Variants in TMEM117 observed in about 807,000 individuals in gnomAD.
TMEM117 encodes the protein transmembrane protein 117.
In TMEM117, 27 loss-of-function variants were observed where a neutral mutation model predicts 52.4. The observed-to-expected ratio is 0.51, with a 90% confidence interval of 0.38 to 0.71. TMEM117 has a LOEUF of 0.71. TMEM117 is among the 30% of genes least tolerant of loss of function. The probability of loss-of-function intolerance (pLI) is 0.00; values close to 1 mark genes in which losing one functional copy is unlikely to be tolerated. For missense variants in TMEM117, 556 were observed against 630.5 expected (o/e 0.88, Z 1.26); for synonymous variants, 215 against 206.3 (o/e 1.04, Z -0.36).
chr12:44,190,917 A>G (rs1202020379), intron 4 of TMEM117, among the ~76,000 whole-genome samples: 2 of 148,028 alleles, frequency 1.4e-5, no homozygotes, highest in East Asian at 1.9e-4. Context: ...TAATATATAT[A>G]CTAGTAATAT....
intron 7 of TMEM117, among the ~76,000 whole-genome samples, chr12:44,386,485 G>A (rs1479432837): frequency 6.6e-6 from 1 of 152,030 alleles, no homozygotes; most frequent in Non-Finnish European, 1.5e-5. Context: ...ACAATGTCAG[G>A]ACAAGCAGTT....
chr12:44,383,439 T>G (rs1952047478), intron 7 of TMEM117, among the ~76,000 whole-genome samples: 1 of 152,194 alleles, frequency 6.6e-6, no homozygotes, highest in Non-Finnish European at 1.5e-5. Flanking sequence ...AAAATTTTCA[T>G]TATAATATCA....
At chr12:43,879,112 A>G (rs1731434) in intron 2 of TMEM117, among the ~76,000 whole-genome samples, 103,370 of 152,128 alleles carry the variant, frequency 0.68, 40,288 homozygotes, top group East Asian at 0.87. Flanking sequence ...ATGGATACAC[A>G]TATGAACAGT....
chr12:44,373,489 C>G (rs1951893647), intron 6 of TMEM117, among the ~76,000 whole-genome samples: 4 of 152,224 alleles, frequency 2.6e-5, no homozygotes, highest in Admixed American at 2.6e-4. Flanking sequence ...GGAAACATAC[C>G]TATCCACTTC....
intron 3 of TMEM117, among the ~76,000 whole-genome samples, chr12:43,954,975 T>C (rs1237167271): frequency 6.6e-6 from 1 of 152,170 alleles, no homozygotes; most frequent in Non-Finnish European, 1.5e-5. Flanking sequence ...GCAAGGCTGG[T>C]TCAACATACG....
chr12:43,928,929 A>C (rs981456272), intron 2 of TMEM117, among the ~76,000 whole-genome samples: 40 of 151,686 alleles, frequency 2.6e-4, no homozygotes, highest in East Asian at 1.7e-3. Flanking sequence ...TGAACTCATC[A>C]TTTTTTATGG....
intron 5 of TMEM117, among the ~76,000 whole-genome samples, chr12:44,262,723 A>G (rs974870110): frequency 3.3e-5 from 5 of 152,134 alleles, no homozygotes; most frequent in African/African-American, 1.2e-4. Context: ...AGTAGCTGGG[A>G]TTACAGGTGC....
rs1949899712 is a variant in TMEM117 at position 44,228,975 on chromosome 12, T to G, written c.608+17588T>G. ...AGGAAGGCAGTACAATAAACAGGGA[T>G]CTGGGCAAGACAGGGATGTTGGCTT... is the stretch of plus-strand genomic sequence containing the variant. On this transcript the variant is annotated intron_variant, in intron 5 of 7. Transcript: ENST00000266534. Among the ~76,000 whole-genome samples, 3 of 152,068 alleles carry G rather than the reference T, an allele frequency of 2.0e-5. No homozygotes were observed. In the South Asian group the frequency reaches 6.2e-4, roughly 31 times the overall value.
At chr12:43,838,760 G>A (rs1565713043) in intron 1 of TMEM117, among the ~76,000 whole-genome samples, 1 of 151,468 alleles carries the variant, frequency 6.6e-6, no homozygotes, top group Non-Finnish European at 1.5e-5. Flanking sequence ...TTATATAGAG[G>A]TAGTCGTGCC....
intron 4 of TMEM117, among the ~76,000 whole-genome samples, chr12:44,208,584 G>A (rs1249279590): frequency 6.6e-6 from 1 of 151,984 alleles, no homozygotes; most frequent in African/African-American, 2.4e-5. Flanking sequence ...TTTTCTTTAT[G>A]GAATGCATAC....
At chr12:44,198,236 G>C (rs1417955059) in intron 4 of TMEM117, among the ~76,000 whole-genome samples, 1 of 152,146 alleles carries the variant, frequency 6.6e-6, no homozygotes, top group African/African-American at 2.4e-5. Context: ...AGGAAGGGCA[G>C]CAGAAGGGTG....
At chr12:44,248,121 G>C (rs1028989867) in intron 5 of TMEM117, among the ~76,000 whole-genome samples, 24 of 152,110 alleles carry the variant, frequency 1.6e-4, no homozygotes, top group African/African-American at 5.6e-4. Context: ...GTTTGGGATG[G>C]GTGGACTCCT....
At chr12:43,865,566 G>A (rs1046924713) in intron 2 of TMEM117, among the ~76,000 whole-genome samples, 1 of 151,978 alleles carries the variant, frequency 6.6e-6, no homozygotes, top group Non-Finnish European at 1.5e-5. Context: ...GCGTGGTGGT[G>A]CATGTCTGTA....
At chr12:44,108,174 C>G (rs1016376414) in intron 3 of TMEM117, among the ~76,000 whole-genome samples, 3 of 152,058 alleles carry the variant, frequency 2.0e-5, no homozygotes, top group Non-Finnish European at 4.4e-5. Flanking sequence ...ACCTGTTCCA[C>G]TAATCACTTG....
intron 4 of TMEM117, 30 bp from the exon 5 acceptor site, chr12:44,211,260 G>T (rs1243921870): frequency 7.1e-7 from 1 of 1,407,266 alleles, no homozygotes; most frequent in African/African-American, 1.4e-5. Flanking sequence ...ATTTCTGAAA[G>T]TGCTGAATAA....
chr12:43,936,948 C>A (rs771306465), intron 2 of TMEM117, among the ~76,000 whole-genome samples: 65 of 152,040 alleles, frequency 4.3e-4, no homozygotes, highest in Non-Finnish European at 7.9e-4. Context: ...CTTAAGAGGC[C>A]TCAGAGGTGG....
At chr12:43,851,475 A>T (rs772020728) in intron 2 of TMEM117, among the ~76,000 whole-genome samples, 201 of 151,544 alleles carry the variant, frequency 1.3e-3, no homozygotes, top group Non-Finnish European at 2.3e-3. Flanking sequence ...GTTTTTTTTT[A>T]AAATGTGTTT....
intron 5 of TMEM117, among the ~76,000 whole-genome samples, chr12:44,288,577 G>A (rs1950664214): frequency 6.6e-6 from 1 of 152,014 alleles, no homozygotes; most frequent in Non-Finnish European, 1.5e-5. Context: ...TGCTGATTTG[G>A]CCTCAGGAAT....
intron 4 of TMEM117, among the ~76,000 whole-genome samples, chr12:44,169,715 GTTTTATTGCATGTAC>G (rs1949018013): frequency 6.6e-6 from 1 of 151,990 alleles, no homozygotes; most frequent in South Asian, 2.1e-4. Flanking sequence ...TTTATTTTTT[GTTTTATTGCATGTAC>G]TTTTGGTAGT....
Sources: gnomAD v4.1 joint callset for allele counts (sites outside exome capture counted in the v4.1 genomes callset) on GRCh38, gnomAD v4.1.1 for gene constraint, MANE v1.5 for transcripts, NCBI Gene and HGNC (gene_info 2026-07-23, HGNC 2026-07-21) for gene names.